Variants in CBX1 observed in about 807,000 individuals in gnomAD.
CBX1 encodes chromobox protein homolog 1.
CBX1 carries 10 observed loss-of-function variants against 25.1 expected under a neutral mutation model. That is an observed-to-expected ratio of 0.40 (90% CI 0.25 to 0.68). The LOEUF (loss-of-function observed/expected upper bound fraction) is 0.68. Ranked by LOEUF, CBX1 falls within the 30% of genes least tolerant of loss-of-function variation. CBX1 has a pLI of 0.40. For missense variants in CBX1, 106 were observed against 218.5 expected, an observed-to-expected ratio of 0.49 and a Z score of 3.25; for synonymous variants, 63 against 79.4, an observed-to-expected ratio of 0.79 and a Z score of 1.10.
At chr17:48,075,244 G>A in intron 3 of CBX1, 144 bp from the exon 4 acceptor site, 1 of 611,794 alleles carries the variant, frequency 1.6e-6, no homozygotes, top group South Asian at 2.0e-5. Flanking sequence ...GCCCAGGCTG[G>A]AGTGCAGTGG....
intron 1 of CBX1, among the ~76,000 whole-genome samples, chr17:48,080,969 T>TATATA (rs1555578355): frequency 4.3e-5 from 3 of 69,116 alleles, no homozygotes; most frequent in Non-Finnish European, 8.1e-5. Context: ...TATATATATA[T>TATATA]ATATATATAT....
intron 1 of CBX1, among the ~76,000 whole-genome samples, chr17:48,081,157 C>T (rs985530799): frequency 6.6e-6 from 1 of 150,880 alleles, no homozygotes; most frequent in Non-Finnish European, 1.5e-5. Context: ...TGGGCTCAAG[C>T]GATCCACCTG....
chr17:48,072,762 G>A (rs555199456), intron 4 of CBX1, among the ~76,000 whole-genome samples: 9 of 151,050 alleles, frequency 6.0e-5, no homozygotes, highest in South Asian at 2.1e-4. Context: ...CAGCCTGGGC[G>A]ACAGAGTGAG....
intron 1 of CBX1, among the ~76,000 whole-genome samples, chr17:48,092,161 T>C (rs2063347801): frequency 6.6e-6 from 1 of 151,362 alleles, no homozygotes; most frequent in Non-Finnish European, 1.5e-5. Context: ...CAGCTACTTT[T>C]GTATTTTTAG....
At chr17:48,077,780 G>T (rs2037692238) in intron 1 of CBX1, among the ~76,000 whole-genome samples, 2 of 152,094 alleles carry the variant, frequency 1.3e-5, no homozygotes, top group Non-Finnish European at 2.9e-5. Flanking sequence ...CCAGTAGTGT[G>T]TGACCAGCCT....
rs1218834954 is a variant in CBX1 at position 48,070,685 on chromosome 17, C to T, written c.*750G>A. 1 of 152,668 alleles carries T rather than the reference C, an allele frequency of 6.6e-6. No individual in the cohort carries two copies. Among genetic ancestry groups the T allele is most frequent in the African/African-American group, 2.4e-5 (1 of 41,448 alleles). The allele number at this position is 152,668 out of a possible 1,614,324, so 9.5% of individuals were successfully genotyped here. A position where few individuals can be genotyped will look rare whatever the true frequency, so the allele number is the denominator to read the frequency against. On this transcript the variant is annotated 3_prime_UTR_variant, in exon 5 of 5. Transcript: ENST00000225603. Reference sequence around the variant, plus strand: ...TCTCCAATAAAAGACCTTCCCTCCTCGTCAATTTCCATCTCCAAAATGGCA... The same window carrying T: ...TCTCCAATAAAAGACCTTCCCTCCTTGTCAATTTCCATCTCCAAAATGGCA...
chr17:48,095,683 A>G (rs1206834689), intron 1 of CBX1: 1 of 152,240 alleles, frequency 6.6e-6, no homozygotes, highest in Non-Finnish European at 1.5e-5. Flanking sequence ...AGAAAGAAGT[A>G]CCTTTTGTTG....
rs1004815033 is a variant in CBX1, at chr17:48,070,874, G to A, written c.*561C>T. ...CATTTTTTTAAAGGTAAAATATTCTGGACATAGAAGCAAATCATTAGTTGT... is the reference window on the plus strand; with the variant it reads ...CATTTTTTTAAAGGTAAAATATTCTAGACATAGAAGCAAATCATTAGTTGT... On this transcript the variant is annotated 3_prime_UTR_variant, in exon 5 of 5. Transcript: ENST00000225603. 1 of 152,526 alleles carries A rather than the reference G, an allele frequency of 6.6e-6. No homozygotes were observed. Among genetic ancestry groups the A allele is most frequent in the Non-Finnish European group, 1.5e-5 (1 of 68,056 alleles). 9.4% of individuals were successfully genotyped at this position (152,526 alleles called of 1,614,324 possible).
intron 1 of CBX1, among the ~76,000 whole-genome samples, chr17:48,080,951 A>AAAAAATAT (rs1567765514): frequency 3.0e-5 from 1 of 33,274 alleles, no homozygotes; most frequent in Non-Finnish European, 5.3e-5. Flanking sequence ...AAAAAAAAAA[A>AAAAAATAT]ATATATATAT....
intron 4 of CBX1, among the ~76,000 whole-genome samples, chr17:48,072,340 T>C (rs543457941): frequency 2.6e-5 from 4 of 152,146 alleles, no homozygotes; most frequent in African/African-American, 7.2e-5. Flanking sequence ...ACATCTGGCA[T>C]TGGCCAGAGC....
intron 1 of CBX1, chr17:48,095,590 AG>A (rs1231074446): frequency 6.6e-6 from 1 of 152,268 alleles, no homozygotes; most frequent in African/African-American, 2.4e-5. Flanking sequence ...CAGAAGCATC[AG>A]GGAATAGAAT....
chr17:48,080,380 C>A (rs1394044045), intron 1 of CBX1, among the ~76,000 whole-genome samples: 3 of 151,980 alleles, frequency 2.0e-5, no homozygotes, highest in Non-Finnish European at 1.5e-5. Flanking sequence ...TTATGATTAC[C>A]AATTTTTGTC....
intron 1 of CBX1, among the ~76,000 whole-genome samples, chr17:48,097,190 G>A (rs539502475): frequency 6.6e-6 from 1 of 151,436 alleles, no homozygotes; most frequent in South Asian, 2.1e-4. Flanking sequence ...GGAGGCGGAG[G>A]TTGCAGTAAG....
At chr17:48,089,739 C>T (rs1351520570) in intron 1 of CBX1, among the ~76,000 whole-genome samples, 2 of 149,092 alleles carry the variant, frequency 1.3e-5, no homozygotes, top group Admixed American at 6.7e-5. Flanking sequence ...AGGAGAATCA[C>T]TTGAACCCGG....
At chr17:48,098,803 C>A (rs2063390364) in intron 1 of CBX1, among the ~76,000 whole-genome samples, 1 of 152,192 alleles carries the variant, frequency 6.6e-6, no homozygotes, top group East Asian at 1.9e-4. Flanking sequence ...AATGCAAAAT[C>A]TCTTACACCA....
At chr17:48,097,596 G>A (rs2063382576) in intron 1 of CBX1, among the ~76,000 whole-genome samples, 2 of 146,698 alleles carry the variant, frequency 1.4e-5, no homozygotes, top group South Asian at 2.1e-4. Flanking sequence ...CAGCTTTGGC[G>A]ACAGAGCGAG....
intron 1 of CBX1, among the ~76,000 whole-genome samples, chr17:48,085,119 C>T (rs1443794832): frequency 6.6e-6 from 1 of 152,104 alleles, no homozygotes; most frequent in Non-Finnish European, 1.5e-5. Flanking sequence ...TAATTTTTAC[C>T]TAAACATTTG....
intron 1 of CBX1, among the ~76,000 whole-genome samples, chr17:48,085,160 AAAAT>A (rs1454229494): frequency 1.3e-5 from 2 of 152,242 alleles, no homozygotes; most frequent in African/African-American, 2.4e-5. Flanking sequence ...GATTCCTAGA[AAAAT>A]AATACTTTAC....
At chr17:48,089,169 C>G (rs980903032) in intron 1 of CBX1, among the ~76,000 whole-genome samples, 1 of 144,964 alleles carries the variant, frequency 6.9e-6, no homozygotes, top group Non-Finnish European at 1.5e-5. Flanking sequence ...GGTGTGATCT[C>G]GGCTCACTGA....
Sources: gnomAD v4.1 joint callset for allele counts (sites outside exome capture counted in the v4.1 genomes callset) on GRCh38, gnomAD v4.1.1 for gene constraint, MANE v1.5 for transcripts, NCBI Gene and HGNC (gene_info 2026-07-23, HGNC 2026-07-21) for gene names.